The following APP variants were observed in gnomAD, a reference collection of about 807,000 sequenced individuals.
APP encodes amyloid-beta precursor protein.
Under a neutral mutation model 101.4 loss-of-function variants are expected in APP, and 31 were observed. That is an observed-to-expected ratio of 0.31 (90% CI 0.23 to 0.41). The LOEUF is 0.41. Among genes scored for constraint, APP ranks in the 10% least tolerant of loss-of-function variants. The pLI is 1.00. For missense variants in APP, 839 were observed against 1,003.7 expected (o/e 0.84, Z 2.22); for synonymous variants, 366 against 364.4 (o/e 1.00, Z -0.05).
chr21:26,121,081 G>C (rs781612151), intron 1 of APP, among the ~76,000 whole-genome samples: 1 of 152,148 alleles, frequency 6.6e-6, no homozygotes, highest in African/African-American at 2.4e-5. Flanking sequence ...CAAGCAGACT[G>C]ATCATGTGAC....
intron 2 of APP, among the ~76,000 whole-genome samples, chr21:26,098,221 TATC>T (rs1187961453): frequency 6.7e-6 from 1 of 150,050 alleles, no homozygotes; most frequent in Non-Finnish European, 1.5e-5. Flanking sequence ...ATTAAAAGCT[TATC>T]ATCGGTAGCC....
intron 11 of APP, among the ~76,000 whole-genome samples, chr21:25,964,860 A>G (rs1225427352): frequency 1.3e-5 from 2 of 152,104 alleles, no homozygotes; most frequent in Non-Finnish European, 2.9e-5. Flanking sequence ...TTGGCCTCCC[A>G]AAGTGCTGGG....
chr21:25,895,691 A>G (rs1297616640), intron 16 of APP, among the ~76,000 whole-genome samples: 2 of 152,190 alleles, frequency 1.3e-5, no homozygotes, highest in East Asian at 3.8e-4. Context: ...GCAACTTCTA[A>G]AAGTGTTTTA....
chr21:25,964,650 T>C (rs573825115), intron 11 of APP, among the ~76,000 whole-genome samples: 18 of 150,408 alleles, frequency 1.2e-4, no homozygotes, highest in African/African-American at 4.4e-4. Context: ...ACTCTTGTTA[T>C]ACAGGCTGGA....
chr21:26,170,739 T>G lies in APP; in HGVS notation c.-119A>C. On this transcript the variant is annotated 5_prime_UTR_variant, in exon 1 of 18. Coordinates refer to ENST00000346798, the MANE Select transcript of APP (RefSeq NM_000484.4). ...GGGCCCCCGCGCACGCTCCTCCGCGTGCTCTCGCCTACCGCTGCCGAGGAA... is the reference window on the plus strand; with the variant it reads ...GGGCCCCCGCGCACGCTCCTCCGCGGGCTCTCGCCTACCGCTGCCGAGGAA... The G allele has an allele frequency of 2.8e-6, 3 of 1,081,268 alleles. No homozygotes were observed. The highest frequency in any genetic ancestry group is 3.7e-6 in the Non-Finnish European group (3 of 800,692). 67.0% of individuals were successfully genotyped at this position (1,081,268 alleles called of 1,614,324 possible).
At chr21:25,946,980 T>A (rs1439092475) in intron 13 of APP, among the ~76,000 whole-genome samples, 1 of 152,250 alleles carries the variant, frequency 6.6e-6, no homozygotes, top group Non-Finnish European at 1.5e-5. Flanking sequence ...AAACTTTTTT[T>A]ACATTCATTA....
At chr21:25,975,794 TAAAC>T (rs1469734831) in intron 10 of APP, among the ~76,000 whole-genome samples, 156 bp downstream of exon 10, 2 of 152,226 alleles carry the variant, frequency 1.3e-5, no homozygotes, top group Non-Finnish European at 2.9e-5. Context: ...AGGCAGGATT[TAAAC>T]AACTCAATTA....
At chr21:25,940,144 G>T (rs2040514844) in intron 13 of APP, among the ~76,000 whole-genome samples, 1 of 152,062 alleles carries the variant, frequency 6.6e-6, no homozygotes, top group Non-Finnish European at 1.5e-5. Context: ...GCCCCCAAAT[G>T]AGAGAGAGAA....
At chr21:25,926,799 C>A (rs141785233) in intron 13 of APP, among the ~76,000 whole-genome samples, 1 of 152,006 alleles carries the variant, frequency 6.6e-6, no homozygotes, top group East Asian at 1.9e-4. Context: ...GTCAGGAGAT[C>A]GAGAGCATCC....
chr21:25,887,939 T>G (rs934826673), intron 17 of APP, among the ~76,000 whole-genome samples: 16 of 152,312 alleles, frequency 1.1e-4, no homozygotes, highest in East Asian at 5.8e-4. Flanking sequence ...GTTCTAGGCT[T>G]GTTTCATTTA....
At chr21:25,989,883 G>C (rs559154666) in intron 8 of APP, among the ~76,000 whole-genome samples, 1 of 151,206 alleles carries the variant, frequency 6.6e-6, no homozygotes, top group Non-Finnish European at 1.5e-5. Flanking sequence ...AGAGCTTTCC[G>C]AGTGCCATGC....
Position 25,891,880 on chromosome 21 carries a change from A to G in APP, c.2065-12T>C, listed in dbSNP as rs761736619. The G allele has an allele frequency of 6.2e-7, 1 of 1,611,712 alleles. No individual in the cohort carries two copies. Among genetic ancestry groups the G allele is most frequent in the African/African-American group, 1.3e-5 (1 of 74,780 alleles). ...TCTGCAAAGAACACCTTGAAAACAA[A>G]TTAAGAAAAAGAATTTTAATTTCTA... is the stretch of plus-strand genomic sequence containing the variant. On this transcript the variant is annotated splice_polypyrimidine_tract_variant and intron_variant, in intron 16 of 17. Coordinates refer to ENST00000346798, the MANE Select transcript of APP (RefSeq NM_000484.4).
chr21:26,062,661 C>CAAATAAATAAATAAATAAATAAATAAAT (rs10529214), intron 3 of APP, among the ~76,000 whole-genome samples: 5 of 145,278 alleles, frequency 3.4e-5, no homozygotes, highest in African/African-American at 1.0e-4. Flanking sequence ...GACTCTGTCT[C>CAAATAAATAAATAAATAAATAAATAAAT]AAATAAATAA....
chr21:26,100,604 G>A (rs896190730), intron 2 of APP, among the ~76,000 whole-genome samples: 11 of 152,138 alleles, frequency 7.2e-5, no homozygotes, highest in Admixed American at 6.5e-4. Context: ...GAAACAATTC[G>A]TGTCTGGGAA....
chr21:26,018,926 T>G (rs1321029381), intron 6 of APP, among the ~76,000 whole-genome samples: 1 of 152,210 alleles, frequency 6.6e-6, no homozygotes, highest in Non-Finnish European at 1.5e-5. Flanking sequence ...CATCTCTGTG[T>G]TCCGTCTTAA....
At chr21:25,974,948 C>G in intron 11 of APP, 122 bp downstream of exon 11, 1 of 1,437,938 alleles carries the variant, frequency 7.0e-7, no homozygotes, top group Non-Finnish European at 9.6e-7. Flanking sequence ...GGTTGAACCT[C>G]TGAATAACAG....
chr21:25,890,048 T>TAG, intron 17 of APP, among the ~76,000 whole-genome samples: 1 of 152,192 alleles, frequency 6.6e-6, no homozygotes, highest in Non-Finnish European at 1.5e-5. Context: ...TATCTTACAC[T>TAG]GTTTTGAGGG....
At chr21:26,022,075 C>A in intron 5 of APP, 33 bp from the exon 6 acceptor site, 1 of 1,607,258 alleles carries the variant, frequency 6.2e-7, no homozygotes, top group Non-Finnish European at 8.5e-7. Flanking sequence ...CAGAAAAAGT[C>A]AATTAAACAC....
At chr21:26,142,369 T>G (rs1010579326) in intron 1 of APP, among the ~76,000 whole-genome samples, 1 of 152,166 alleles carries the variant, frequency 6.6e-6, no homozygotes, top group African/African-American at 2.4e-5. Context: ...AAACTAACAC[T>G]TACTCAAAGA....
Sources: allele counts gnomAD v4.1 joint callset (sites outside exome capture counted in the v4.1 genomes callset), GRCh38; gene constraint gnomAD v4.1.1; transcripts MANE v1.5; gene names NCBI Gene and HGNC (gene_info 2026-07-23, HGNC 2026-07-21).